YARS1: variants seen among roughly 807,000 people sequenced by gnomAD.
YARS1 encodes the protein tyrosyl-tRNA synthetase 1.
In YARS1, 36 loss-of-function variants were observed where a neutral mutation model predicts 62.2. The observed-to-expected ratio is 0.58, with a 90% CI of 0.44 to 0.76. The LOEUF is 0.76. Ranked by LOEUF, YARS1 falls within the 30% of genes least tolerant of loss-of-function variation. The pLI, the probability that YARS1 is intolerant of heterozygous loss-of-function variation, is 0.00. For synonymous variants in YARS1, 234 were observed against 244.9 expected, an observed-to-expected ratio of 0.96 and a Z score of 0.42; for missense variants, 524 against 639.8, an observed-to-expected ratio of 0.82 and a Z score of 1.95.
chr1:32,808,616 G>A (rs1405196751), intron 3 of YARS1, among the ~76,000 whole-genome samples: 1 of 152,158 alleles, frequency 6.6e-6, no homozygotes, highest in African/African-American at 2.4e-5. Context: ...TAAAAACCAT[G>A]CCTGTGTTCT....
chr1:32,786,610 A>G (rs1459713271), intron 7 of YARS1, 163 bp from the exon 8 acceptor site: 4 of 782,360 alleles, frequency 5.1e-6, no homozygotes, highest in Non-Finnish European at 8.6e-6. Context: ...GCACTATTGT[A>G]TACCCAGCTA....
intron 5 of YARS1, among the ~76,000 whole-genome samples, chr1:32,795,962 T>C (rs1381099389): frequency 6.6e-6 from 1 of 151,872 alleles, no homozygotes; most frequent in African/African-American, 2.4e-5. Context: ...GCTTTAATAA[T>C]AAAAGGAGGT....
At chr1:32,787,865 T>C (rs1022485278) in intron 6 of YARS1, among the ~76,000 whole-genome samples, 1 of 152,172 alleles carries the variant, frequency 6.6e-6, no homozygotes, top group Non-Finnish European at 1.5e-5. Flanking sequence ...ACCTGTAGTC[T>C]TATCACTTTG....
At chr1:32,791,462 T>C (rs1449423841) in intron 5 of YARS1, among the ~76,000 whole-genome samples, 1 of 152,184 alleles carries the variant, frequency 6.6e-6, no homozygotes, top group Non-Finnish European at 1.5e-5. Flanking sequence ...GTGAGGCTAT[T>C]GGACTTATGT....
At chr1:32,817,069 G>A (rs1638764623) in intron 1 of YARS1, 119 bp downstream of exon 1, 2 of 1,308,522 alleles carry the variant, frequency 1.5e-6, no homozygotes, top group East Asian at 2.3e-5. Context: ...GGCTCTCTCA[G>A]AGCTGCGCCA....
intron 4 of YARS1, among the ~76,000 whole-genome samples, chr1:32,801,979 G>T (rs1358853029): frequency 8.3e-6 from 1 of 121,132 alleles, no homozygotes; most frequent in South Asian, 2.6e-4. Flanking sequence ...ACGGAGTCTC[G>T]CTCTGTCGCC....
intron 6 of YARS1, among the ~76,000 whole-genome samples, chr1:32,787,301 A>AT (rs1653261929): frequency 6.7e-6 from 1 of 149,872 alleles, no homozygotes; most frequent in Admixed American, 6.6e-5. Context: ...AGGTAATTCT[A>AT]TTTTTTGTAG....
chr1:32,782,678 G>T, intron 8 of YARS1, 139 bp from the exon 9 acceptor site: 1 of 1,173,262 alleles, frequency 8.5e-7, no homozygotes, highest in Non-Finnish European at 1.2e-6. Context: ...GCAGGTAGGA[G>T]AAGGGAAAAT....
intron 6 of YARS1, among the ~76,000 whole-genome samples, chr1:32,787,475 A>C (rs114721539): frequency 0.011 from 1,686 of 150,132 alleles, 29 homozygotes; most frequent in African/African-American, 0.039. Context: ...ACTTGCAGAT[A>C]TTTTCCTGTG....
chr1:32,794,218 C>T (rs1404546093), intron 5 of YARS1, among the ~76,000 whole-genome samples: 14 of 151,802 alleles, frequency 9.2e-5, no homozygotes, highest in African/African-American at 2.9e-4. Flanking sequence ...GGCGTGGTGG[C>T]GGGCACCTGT....
In YARS1 at chr1:32,800,806, C is replaced by G. The variant is rs1459413767; in HGVS notation, c.511-2963G>C. On this transcript the variant is annotated intron_variant, in intron 4 of 12. Coordinates refer to ENST00000373477, the MANE Select transcript of YARS1 (RefSeq NM_003680.4). ...GCCAGGATGGTCTCGATTTCCTGACCTCGTGATCTGCCCGTTTTGGCCTCC... is the reference window on the plus strand; with the variant it reads ...GCCAGGATGGTCTCGATTTCCTGACGTCGTGATCTGCCCGTTTTGGCCTCC... Among the ~76,000 whole-genome samples, 6 of 152,220 alleles carry G rather than the reference C, an allele frequency of 3.9e-5. No homozygotes were observed. In the East Asian group the frequency reaches 1.2e-3, roughly 29 times the overall value.
chr1:32,786,641 GA>G lies in YARS1; in HGVS notation c.821-195del. 9 of 722,352 alleles carry G rather than the reference GA, an allele frequency of 1.2e-5. 1 individual carries two copies. The South Asian group carries it at 1.3e-4, about 11-fold the overall frequency. 44.7% of individuals were successfully genotyped at this position (722,352 alleles called of 1,614,324 possible). ...AGCTAGCATCTCAGCTGCTTCAGGG[GA>G]AGGCTTGTGGCTTATATCTATTTTG... On this transcript the variant is annotated intron_variant, in intron 7 of 12. Transcript: ENST00000373477.
chr1:32,780,920 A>G, intron 10 of YARS1, 128 bp downstream of exon 10: 2 of 837,226 alleles, frequency 2.4e-6, no homozygotes, highest in Non-Finnish European at 4.0e-6. Context: ...GGAATTAGAC[A>G]CCTGCACTCT....
At chr1:32,810,440 A>G (rs1260947495) in intron 3 of YARS1, 151 bp downstream of exon 3, 2 of 947,006 alleles carry the variant, frequency 2.1e-6, no homozygotes, top group Non-Finnish European at 1.7e-6. Context: ...TACAAGGACA[A>G]TGAGGTTTTA....
chr1:32,797,599 T>C, intron 5 of YARS1, 164 bp downstream of exon 5: 1 of 679,380 alleles, frequency 1.5e-6, no homozygotes, highest in Non-Finnish European at 2.6e-6. Context: ...AACTGTGTGA[T>C]ATTGGACAAC....
At chr1:32,802,978 A>ATTTT (rs34189200) in intron 4 of YARS1, among the ~76,000 whole-genome samples, 3 of 89,412 alleles carry the variant, frequency 3.4e-5, no homozygotes, top group African/African-American at 8.8e-5. Context: ...ACGCCTGGCT[A>ATTTT]TTTTTTTTTT....
rs577858827 is a variant in YARS1, at chr1:32,795,513, A to G, written c.591+2250T>C. Among the ~76,000 whole-genome samples, 7 of 152,128 alleles carry G rather than the reference A, an allele frequency of 4.6e-5. No individual in the cohort carries two copies. The South Asian group carries it at 8.3e-4, about 18-fold the overall frequency. Reference sequence around the variant, plus strand: ...ACTGTTTTAGAAAGGGCCAGTTAATAAAGATTTTAGGGGCTGGGTGCAGTG... The same window carrying G: ...ACTGTTTTAGAAAGGGCCAGTTAATGAAGATTTTAGGGGCTGGGTGCAGTG... On this transcript the variant is annotated intron_variant, in intron 5 of 12. Coordinates refer to ENST00000373477, the MANE Select transcript of YARS1 (RefSeq NM_003680.4).
chr1:32,780,044 G>A, intron 11 of YARS1, 41 bp downstream of exon 11: 1 of 1,611,574 alleles, frequency 6.2e-7, no homozygotes, highest in Non-Finnish European at 8.5e-7. Context: ...ACTCTTCCTG[G>A]CCTCCCCAGG....
At chr1:32,794,433 A>G (rs1347297641) in intron 5 of YARS1, among the ~76,000 whole-genome samples, 1 of 152,154 alleles carries the variant, frequency 6.6e-6, no homozygotes, top group Admixed American at 6.5e-5. Context: ...TCTGTTGCCC[A>G]GCCTGGAGTG....
Sources: gnomAD v4.1 joint callset for allele counts (sites outside exome capture counted in the v4.1 genomes callset) on GRCh38, gnomAD v4.1.1 for gene constraint, MANE v1.5 for transcripts, NCBI Gene and HGNC (gene_info 2026-07-23, HGNC 2026-07-21) for gene names.